The following ASCC3 variants were observed in gnomAD, a reference collection of about 807,000 sequenced individuals.
ASCC3 encodes the protein ASC-1 complex subunit P200.
A neutral mutation model predicts 256.3 loss-of-function variants in ASCC3; 158 were observed. That is an observed-to-expected ratio of 0.62 (90% CI 0.54 to 0.70). The LOEUF (loss-of-function observed/expected upper bound fraction) is 0.70, where lower values mean the gene tolerates loss of function less well. ASCC3 is among the 30% of genes least tolerant of loss of function. The pLI, the probability that ASCC3 is intolerant of heterozygous loss-of-function variation, is 0.00. For synonymous variants in ASCC3, 948 were observed against 883.4 expected (o/e 1.07, Z -1.30); for missense variants, 2,259 against 2,626.0 (o/e 0.86, Z 3.05).
intron 7 of ASCC3, 111 bp from the exon 8 acceptor site, chr6:100,798,949 TG>T: frequency 9.9e-7 from 1 of 1,006,316 alleles, no homozygotes; most frequent in Non-Finnish European, 1.5e-6. Flanking sequence ...AACAAAGCAC[TG>T]GTAAATAAAC....
chr6:100,538,980 A>T (rs1775303138), intron 37 of ASCC3, among the ~76,000 whole-genome samples: 1 of 152,112 alleles, frequency 6.6e-6, no homozygotes, highest in East Asian at 1.9e-4. Flanking sequence ...TCTGACAATC[A>T]TCCCCCAGTA....
chr6:100,628,761 G>A (rs1333910857), intron 27 of ASCC3, among the ~76,000 whole-genome samples: 2 of 151,912 alleles, frequency 1.3e-5, no homozygotes, highest in African/African-American at 4.8e-5. Context: ...CCCAGTCTCA[G>A]GTATTTCTTT....
At chr6:100,540,891 A>G (rs1775424017) in intron 36 of ASCC3, among the ~76,000 whole-genome samples, 1 of 152,130 alleles carries the variant, frequency 6.6e-6, no homozygotes, top group South Asian at 2.1e-4. Flanking sequence ...CAAGGATAAG[A>G]TTGGCAAGAT....
intron 5 of ASCC3, among the ~76,000 whole-genome samples, chr6:100,801,536 T>TA (rs1385034156): frequency 2.0e-5 from 3 of 152,036 alleles, no homozygotes; most frequent in African/African-American, 7.2e-5. Flanking sequence ...ACTGCCCCAT[T>TA]ACATAATTCT....
rs375784680 is a variant in ASCC3 at position 100,715,455 on chromosome 6, A to C, written c.2151+7T>G. The stretch of plus-strand genomic sequence containing the variant: ...AATAAGTGTAAAAGCAGATAAAATA[A>C]GTGTACCTGGTGTCCAGCCTTTACT... On this transcript the variant is annotated splice_region_variant and intron_variant, in intron 13 of 41. Transcript: ENST00000369162. 4 of 1,605,084 alleles carry C rather than the reference A, an allele frequency of 2.5e-6. No individual in the cohort carries two copies. In the African/African-American group the frequency reaches 5.4e-5, roughly 22 times the overall value.
intron 36 of ASCC3, among the ~76,000 whole-genome samples, chr6:100,585,704 T>C (rs1332341821): frequency 1.3e-5 from 2 of 152,186 alleles, no homozygotes; most frequent in African/African-American, 4.8e-5. Context: ...TCCCCATCTT[T>C]GTGGTTTTAT....
chr6:100,675,977 A>C (rs1455198089), intron 14 of ASCC3, among the ~76,000 whole-genome samples: 2 of 152,204 alleles, frequency 1.3e-5, no homozygotes, highest in East Asian at 3.8e-4. Flanking sequence ...ACAATGGCTT[A>C]ATAACGAAAA....
intron 30 of ASCC3, among the ~76,000 whole-genome samples, chr6:100,614,948 G>A (rs1306237756): frequency 1.3e-5 from 2 of 151,878 alleles, no homozygotes; most frequent in Non-Finnish European, 2.9e-5. Context: ...TCATGATTGA[G>A]AATGGCACAG....
At chr6:100,560,787 A>ACACACACG (rs1554192915) in intron 36 of ASCC3, among the ~76,000 whole-genome samples, 2 of 151,134 alleles carry the variant, frequency 1.3e-5, no homozygotes, top group Non-Finnish European at 2.9e-5. Flanking sequence ...ACACACACAC[A>ACACACACG]CACACGCACA....
intron 4 of ASCC3, among the ~76,000 whole-genome samples, chr6:100,811,608 G>GA (rs1329767585): frequency 3.3e-5 from 5 of 151,872 alleles, no homozygotes; most frequent in Admixed American, 6.6e-5. Context: ...ACAAGAGAAA[G>GA]AAAAAACCTC....
chr6:100,691,845 A>G (rs1777864039), intron 13 of ASCC3, among the ~76,000 whole-genome samples: 1 of 151,908 alleles, frequency 6.6e-6, no homozygotes, highest in Admixed American at 6.6e-5. Flanking sequence ...ACCTATGTTC[A>G]AATCATAGCT....
chr6:100,722,825 G>C lies in ASCC3; in HGVS notation c.1902+2714C>G, dbSNP rs75746432. The stretch of plus-strand genomic sequence containing the variant: ...TGTGGTATAGCTCCCCGAATGTAAA[G>C]AAGAGCACACAGTTCATTCTCACTT... On this transcript the variant is annotated intron_variant, in intron 11 of 41. Coordinates refer to ENST00000369162, the MANE Select transcript of ASCC3 (RefSeq NM_006828.4). Among the ~76,000 whole-genome samples, 798 of 151,830 alleles carry C rather than the reference G, an allele frequency of 5.3e-3. 8 individuals are homozygous for C. The highest frequency in any genetic ancestry group is 0.019 in the African/African-American group (768 of 41,510).
chr6:100,806,961 G>C (rs1770215163), intron 4 of ASCC3, among the ~76,000 whole-genome samples: 1 of 151,504 alleles, frequency 6.6e-6, no homozygotes, highest in Non-Finnish European at 1.5e-5. Flanking sequence ...TGTTATTTTT[G>C]GACTTAAGAA....
chr6:100,867,828 T>C, intron 2 of ASCC3, 80 bp downstream of exon 2: 3 of 1,227,556 alleles, frequency 2.4e-6, no homozygotes, highest in South Asian at 2.5e-5. Context: ...CCACATAGAA[T>C]GGAGAAAAAG....
chr6:100,754,045 G>A (rs1049113886), intron 10 of ASCC3, among the ~76,000 whole-genome samples: 1 of 152,018 alleles, frequency 6.6e-6, no homozygotes, highest in Admixed American at 6.6e-5. Context: ...TTCAATAATT[G>A]TGCTGAAAAT....
At chr6:100,558,162 A>G (rs1371444418) in intron 36 of ASCC3, among the ~76,000 whole-genome samples, 4 of 152,094 alleles carry the variant, frequency 2.6e-5, no homozygotes, top group Admixed American at 6.5e-5. Flanking sequence ...TAATGATACT[A>G]TAAGTGCTCA....
In ASCC3 at chr6:100,608,163, T is replaced by C. The variant is rs1371647089; in HGVS notation, c.4786-1075A>G. ...ATATATATCTATATATACATATTTATATACATATTTATATATGTGTGTGTA... is the reference window on the plus strand; with the variant it reads ...ATATATATCTATATATACATATTTACATACATATTTATATATGTGTGTGTA... On this transcript the variant is annotated intron_variant, in intron 30 of 41. Transcript: ENST00000369162. 7.5e-3 allele frequency among the ~76,000 whole-genome samples: 805 copies of C among 107,500 alleles called. 21 individuals carry two copies. Among genetic ancestry groups the C allele is most frequent in the African/African-American group, 0.028 (759 of 26,668 alleles). 70.5% of individuals were successfully genotyped at this position (107,500 alleles called of 152,430 possible). A position where few individuals can be genotyped will look rare whatever the true frequency, so the allele number is the denominator to read the frequency against.
chr6:100,739,372 G>A (rs1001967918), intron 10 of ASCC3, among the ~76,000 whole-genome samples: 12 of 152,186 alleles, frequency 7.9e-5, no homozygotes, highest in African/African-American at 2.9e-4. Context: ...TTGCACCGAA[G>A]CTCATCAAGG....
chr6:100,647,151 T>G, intron 21 of ASCC3, 75 bp downstream of exon 21: 1 of 1,284,982 alleles, frequency 7.8e-7, no homozygotes, highest in Non-Finnish European at 1.1e-6. Flanking sequence ...AAATTCACAA[T>G]ACCTTCTTTT....
Sources: allele counts gnomAD v4.1 joint callset (sites outside exome capture counted in the v4.1 genomes callset), GRCh38; gene constraint gnomAD v4.1.1; transcripts MANE v1.5; gene names NCBI Gene and HGNC (gene_info 2026-07-23, HGNC 2026-07-21).